Variants in CD300LF observed in about 807,000 individuals in gnomAD.
CD300LF encodes CD300 molecule like family member f.
CD300LF carries 27 observed loss-of-function variants against 32.2 expected under a neutral mutation model. That is an observed-to-expected ratio of 0.84 (90% CI 0.62 to 1.15). CD300LF has a LOEUF of 1.15. Among genes scored for constraint, CD300LF ranks in the 50% most tolerant of loss-of-function variants. The pLI is 0.00. For synonymous variants in CD300LF, 139 were observed against 143.2 expected (o/e 0.97, Z 0.21); for missense variants, 348 against 356.8 (o/e 0.98, Z 0.20).
At chr17:74,702,131 T>C (rs1285808930) in intron 3 of CD300LF, among the ~76,000 whole-genome samples, 1 of 150,970 alleles carries the variant, frequency 6.6e-6, no homozygotes, top group Non-Finnish European at 1.5e-5. Context: ...GGACCTCCCA[T>C]AGGGATTTTG....
intron 4 of CD300LF, among the ~76,000 whole-genome samples, chr17:74,696,459 A>G (rs2032486505): frequency 6.6e-6 from 1 of 152,082 alleles, no homozygotes; most frequent in African/African-American, 2.4e-5. Flanking sequence ...TGCTCCCCAC[A>G]TCATAGAACT....
In CD300LF at chr17:74,696,981, A is replaced by G. The variant is rs149560537; in HGVS notation, c.560-764T>C. Among the ~76,000 whole-genome samples, 82 of 151,972 alleles carry G rather than the reference A, an allele frequency of 5.4e-4. No homozygotes were observed. In the East Asian group the frequency reaches 0.013, roughly 24 times the overall value. ...TTTGAGATGGAGTTTCTCTCTTGTC[A>G]CCCATGCCGGAGGGCAATGGCACCA... On this transcript the variant is annotated intron_variant, in intron 4 of 6. Transcript: ENST00000326165.
chr17:74,702,471 C>T (rs1265903634), intron 3 of CD300LF, among the ~76,000 whole-genome samples: 3 of 152,198 alleles, frequency 2.0e-5, no homozygotes, highest in African/African-American at 7.2e-5. Flanking sequence ...AAATAATGCA[C>T]AGGAAAGCCT....
intron 1 of CD300LF, chr17:74,705,253 C>T (rs756139194): frequency 1.4e-6 from 1 of 702,108 alleles, no homozygotes; most frequent in Non-Finnish European, 2.6e-6. Context: ...GAGGCAGCCA[C>T]ATCAGATGGC....
Position 74,704,551 on chromosome 17 carries a change from A to G in CD300LF, c.309T>C (p.Ala103=). ...TCTCAATTCCACACCAGTAAGTGTC[A>G]GCATCAGTTTTCATGAGATCCTCCA... ...VTMEDLMKTD[A]DTYWCGIEKT... is the part of the protein sequence containing the mutation. Residue 103 remains alanine, a synonymous_variant, in exon 2 of 7, where the codon GCT becomes GCC. Transcript: ENST00000326165. The G allele has an allele frequency of 1.2e-6, 2 of 1,614,200 alleles. No individual in the cohort carries two copies. Among genetic ancestry groups the G allele is most frequent in the Non-Finnish European group, 1.7e-6 (2 of 1,180,044 alleles).
At chr17:74,703,954 T>C (rs936153061) in intron 2 of CD300LF, among the ~76,000 whole-genome samples, 3 of 152,204 alleles carry the variant, frequency 2.0e-5, no homozygotes, top group Non-Finnish European at 4.4e-5. Context: ...GGACCAGGAA[T>C]GCAGCCGTTT....
intron 1 of CD300LF, among the ~76,000 whole-genome samples, chr17:74,706,683 A>G (rs2033546384): frequency 6.6e-6 from 1 of 152,094 alleles, no homozygotes; most frequent in Non-Finnish European, 1.5e-5. Context: ...ACAAAACAAA[A>G]CAAAACAAAA....
At chr17:74,706,228 C>T (rs893507330) in intron 1 of CD300LF, among the ~76,000 whole-genome samples, 2 of 151,238 alleles carry the variant, frequency 1.3e-5, no homozygotes, top group African/African-American at 4.9e-5. Flanking sequence ...TGTAACAAAC[C>T]TGCACAGGTA....
chr17:74,698,301 A>T (rs897956988), intron 4 of CD300LF, 68 bp downstream of exon 4: 1 of 1,066,636 alleles, frequency 9.4e-7, no homozygotes. Flanking sequence ...TGGACCAGAT[A>T]GCTCCCAGAT....
At chr17:74,697,293 G>T (rs1056110499) in intron 4 of CD300LF, among the ~76,000 whole-genome samples, 2 of 152,028 alleles carry the variant, frequency 1.3e-5, no homozygotes, top group Admixed American at 6.6e-5. Flanking sequence ...GTGGTTGCTG[G>T]TCCCTGTCTT....
At chr17:74,703,246 T>C in intron 2 of CD300LF, 148 bp from the exon 3 acceptor site, 2 of 829,760 alleles carry the variant, frequency 2.4e-6, no homozygotes, top group Non-Finnish European at 3.9e-6. Context: ...GGGTCTGGAC[T>C]GCTACTATGG....
chr17:74,695,892 A>G, intron 5 of CD300LF, 33 bp from the exon 6 acceptor site: 2 of 1,602,884 alleles, frequency 1.2e-6, no homozygotes, highest in South Asian at 1.1e-5. Context: ...GGGAGTCACA[A>G]GATCTGTCTG....
At chr17:74,700,147 A>G (rs1017967908) in intron 3 of CD300LF, among the ~76,000 whole-genome samples, 10 of 146,510 alleles carry the variant, frequency 6.8e-5, no homozygotes, top group Non-Finnish European at 1.1e-4. Flanking sequence ...GTCTCAATAA[A>G]TAAATAAATA....
At chr17:74,709,441 ACATT>A (rs1341342104) in intron 1 of CD300LF, among the ~76,000 whole-genome samples, 2 of 152,232 alleles carry the variant, frequency 1.3e-5, no homozygotes, top group African/African-American at 4.8e-5. Flanking sequence ...TTAGTGCGAG[ACATT>A]CATATGTACT....
intron 1 of CD300LF, among the ~76,000 whole-genome samples, chr17:74,706,985 A>G (rs2033574624): frequency 6.6e-6 from 1 of 152,220 alleles, no homozygotes; most frequent in Non-Finnish European, 1.5e-5. Context: ...ACAAAAATCA[A>G]CTCACAATAG....
chr17:74,703,124 G>C (rs2033213603), intron 2 of CD300LF, 26 bp from the exon 3 acceptor site: 2 of 1,613,694 alleles, frequency 1.2e-6, no homozygotes, highest in African/African-American at 2.7e-5. Flanking sequence ...AGGTAGGCGT[G>C]GTGGGGGCAG....
rs34851642 is a variant in CD300LF, at chr17:74,703,065, G to T, written c.416C>A (p.Pro139Gln). The T allele has an allele frequency of 2.8e-5, 45 of 1,614,000 alleles. No homozygotes were observed. The highest frequency in any genetic ancestry group is 3.6e-5 in the Non-Finnish European group (43 of 1,179,906). The change falls in exon 3 of 7, where the codon CCA (proline) becomes CAA (glutamine). Residue 139 changes from proline (P) to glutamine (Q), a missense_variant. By Grantham distance (76) the Pro-to-Gln change is moderately conservative. Coordinates refer to ENST00000326165, the MANE Select transcript of CD300LF (RefSeq NM_139018.5). ...GTCCAAGTGGTGGCCGGTCAGAGTT[G>T]GGGAGCTGCTAGTTTCTTCTTGGGT... ...PVTQEETSSS[P>Q]TLTGHHLDNR...
At chr17:74,704,860 G>A (rs1300231039) in intron 1 of CD300LF, 44 bp from the exon 2 acceptor site, 1 of 1,476,672 alleles carries the variant, frequency 6.8e-7, no homozygotes, top group Non-Finnish European at 9.3e-7. Flanking sequence ...CACCCCAAGG[G>A]CAGGGCCACA....
rs555333810 is a variant in CD300LF at position 74,695,163 on chromosome 17, A to G, written c.806T>C (p.Leu269Pro). The change falls in exon 7 of 7, where the codon CTC becomes CCC. Residue 269 changes from leucine to proline, a missense_variant. Coordinates refer to ENST00000326165, the MANE Select transcript of CD300LF (RefSeq NM_139018.5). Reference sequence around the variant, plus strand: ...GCCCCTGCCGGGGAGGTGGCTACTGAGGTGGCCCATGTTGCAGTAGGTCGG... The same window carrying G: ...GCCCCTGCCGGGGAGGTGGCTACTGGGGTGGCCCATGTTGCAGTAGGTCGG... ...QEPTYCNMGH[L>P]SSHLPGRGPE... is the part of the protein sequence containing the mutation. 1 of 1,614,008 alleles carries G rather than the reference A, an allele frequency of 6.2e-7. No individual in the cohort carries two copies. The highest frequency in any genetic ancestry group is 1.7e-5 in the Admixed American group (1 of 59,998).
Sources: gnomAD v4.1 joint callset for allele counts (sites outside exome capture counted in the v4.1 genomes callset) on GRCh38, gnomAD v4.1.1 for gene constraint, MANE v1.5 for transcripts, NCBI Gene and HGNC (gene_info 2026-07-23, HGNC 2026-07-21) for gene names.